The following GLIS3 variants were observed in gnomAD, a reference collection of about 807,000 sequenced individuals.
GLIS3 encodes the protein GLIS family zinc finger 3.
Under a neutral mutation model 78.6 loss-of-function variants are expected in GLIS3, and 53 were observed. The ratio of observed to expected loss-of-function variants is 0.67; its 90% confidence interval spans 0.54 to 0.85. GLIS3 has a LOEUF of 0.85. Ranked by LOEUF, GLIS3 falls within the 40% of genes least tolerant of loss-of-function variation. The pLI is 0.00. For missense variants in GLIS3, 1,703 were observed against 1,231.1 expected (o/e 1.38, Z -5.74); for synonymous variants, 684 against 509.9 (o/e 1.34, Z -4.60).
At chr9:3,880,556 GAACT>G (rs1821656679) in intron 7 of GLIS3, among the ~76,000 whole-genome samples, 1 of 151,936 alleles carries the variant, frequency 6.6e-6, no homozygotes, top group African/African-American at 2.4e-5. Context: ...TGTTCTTTTT[GAACT>G]TACTCTACTA....
chr9:4,414,401 A>G, the GLIS3 span, among the ~76,000 whole-genome samples: 1 of 152,194 alleles, frequency 6.6e-6, no homozygotes, highest in East Asian at 1.9e-4. Flanking sequence ...CCTAGGCCCA[A>G]CACTTACCAC....
chr9:3,961,417 A>G (rs545274968), intron 4 of GLIS3, among the ~76,000 whole-genome samples: 1 of 152,360 alleles, frequency 6.6e-6, no homozygotes. Flanking sequence ...ATTCAAATAT[A>G]TTACATGTTC....
intron 2 of GLIS3, among the ~76,000 whole-genome samples, chr9:4,197,310 AC>A (rs1284446345): frequency 6.6e-6 from 1 of 152,100 alleles, no homozygotes; most frequent in Non-Finnish European, 1.5e-5. Flanking sequence ...CATTTGGAGC[AC>A]CCACTTGCCT....
At chr9:4,428,266 G>A in the GLIS3 span, among the ~76,000 whole-genome samples, 1 of 151,908 alleles carries the variant, frequency 6.6e-6, no homozygotes, top group African/African-American at 2.4e-5. Flanking sequence ...ATCACTTGAG[G>A]CCAGGAGTTC....
intron 2 of GLIS3, among the ~76,000 whole-genome samples, chr9:4,266,005 G>A (rs917260931): frequency 9.3e-5 from 14 of 151,336 alleles, no homozygotes; most frequent in East Asian, 2.0e-4. Context: ...TGCAAGCTCC[G>A]CCTCCCAGGT....
chr9:3,962,948 G>C (rs796299518), intron 4 of GLIS3, among the ~76,000 whole-genome samples: 87 of 57,784 alleles, frequency 1.5e-3, no homozygotes, highest in South Asian at 6.8e-4. Context: ...GTGATTTAAG[G>C]GGGGGGGGGG....
intron 2 of GLIS3, among the ~76,000 whole-genome samples, chr9:4,261,859 T>A (rs150708436): frequency 5.3e-5 from 8 of 152,280 alleles, no homozygotes; most frequent in African/African-American, 1.9e-4. Flanking sequence ...TGAACAGATA[T>A]GGACTTCTTT....
chr9:4,299,133 C>T (rs1459669641), intron 1 of GLIS3, among the ~76,000 whole-genome samples: 1 of 152,110 alleles, frequency 6.6e-6, no homozygotes, highest in South Asian at 2.1e-4. Context: ...ACTTTAAAGC[C>T]CCGTTATCTG....
chr9:3,878,113 C>G (rs896383856), intron 8 of GLIS3, among the ~76,000 whole-genome samples: 1 of 152,078 alleles, frequency 6.6e-6, no homozygotes, highest in Non-Finnish European at 1.5e-5. Flanking sequence ...TTCTTGCTGC[C>G]TGGGATGCTG....
chr9:3,880,281 G>A (rs2130467355), intron 7 of GLIS3, among the ~76,000 whole-genome samples: 1 of 152,304 alleles, frequency 6.6e-6, no homozygotes. Context: ...GTGAGTTACA[G>A]TCCCATTCGT....
chr9:4,247,379 T>C (rs1377291856), intron 2 of GLIS3, among the ~76,000 whole-genome samples: 1 of 152,190 alleles, frequency 6.6e-6, no homozygotes, highest in Non-Finnish European at 1.5e-5. Context: ...ATTTCTTATT[T>C]ACATGGTTAA....
At position 4,191,011 on chromosome 9, in the gene GLIS3, C is replaced by A. The variant is rs536690557; in HGVS notation, c.389-65070G>T. On this transcript the variant is annotated intron_variant, in intron 2 of 10. Transcript: ENST00000381971. ...GAGATTTTGTCACCGCCAGGCCTGCCCTAAAAGAGCTCCTGAAGGAAGCGC... is the reference window on the plus strand; with the variant it reads ...GAGATTTTGTCACCGCCAGGCCTGCACTAAAAGAGCTCCTGAAGGAAGCGC... Among the ~76,000 whole-genome samples, 24 of 151,748 alleles carry A rather than the reference C, an allele frequency of 1.6e-4. No individual in the cohort carries two copies. In the South Asian group the frequency reaches 2.1e-3, roughly 13 times the overall value.
At chr9:4,385,814 GAAAGAAAGA>G in the GLIS3 span, among the ~76,000 whole-genome samples, 1 of 41,054 alleles carries the variant, frequency 2.4e-5, no homozygotes, top group East Asian at 5.8e-4. Flanking sequence ...AGAAAGAAAA[GAAAGAAAGA>G]GAAAAGAAAG....
intron 4 of GLIS3, among the ~76,000 whole-genome samples, chr9:4,034,186 T>G (rs1824118501): frequency 6.6e-6 from 1 of 152,082 alleles, no homozygotes; most frequent in Admixed American, 6.6e-5. Flanking sequence ...ACACCACTTG[T>G]GCTCCAACCT....
intron 2 of GLIS3, among the ~76,000 whole-genome samples, chr9:4,169,925 C>G (rs181201114): frequency 6.6e-6 from 1 of 151,890 alleles, no homozygotes; most frequent in Non-Finnish European, 1.5e-5. Flanking sequence ...AAATATTGAC[C>G]AAATGTCGCT....
intron 7 of GLIS3, among the ~76,000 whole-genome samples, chr9:3,896,599 G>A (rs1822849871): frequency 6.9e-6 from 1 of 144,238 alleles, no homozygotes; most frequent in African/African-American, 2.5e-5. Context: ...CTGGGAGGTA[G>A]AGGTTGCAGT....
chr9:4,100,618 A>C (rs1165009797), intron 4 of GLIS3, among the ~76,000 whole-genome samples: 2 of 152,192 alleles, frequency 1.3e-5, no homozygotes, highest in Admixed American at 1.3e-4. Flanking sequence ...TTTTTAACCA[A>C]AGGAATAAAC....
intron 7 of GLIS3, among the ~76,000 whole-genome samples, chr9:3,881,061 C>T (rs1563807959): frequency 1.3e-5 from 2 of 152,310 alleles, no homozygotes; most frequent in East Asian, 1.9e-4. Context: ...CCTTATGAAT[C>T]ACTAACCTCA....
At chr9:4,004,232 A>G (rs2076053750) in intron 4 of GLIS3, among the ~76,000 whole-genome samples, 1 of 152,230 alleles carries the variant, frequency 6.6e-6, no homozygotes, top group African/African-American at 2.4e-5. Context: ...ACTCCTTTTT[A>G]TCAGTTGACT....
Sources: allele counts gnomAD v4.1 joint callset (sites outside exome capture counted in the v4.1 genomes callset), GRCh38; gene constraint gnomAD v4.1.1; transcripts MANE v1.5; gene names NCBI Gene and HGNC (gene_info 2026-07-23, HGNC 2026-07-21).